Variants in TTN observed in about 807,000 individuals in gnomAD.
TTN encodes titin.
Under a neutral mutation model 3,223.0 loss-of-function variants are expected in TTN, and 1,525 were observed. The ratio of observed to expected loss-of-function variants is 0.47; its 90% confidence interval spans 0.45 to 0.49. The LOEUF is 0.49. TTN is among the 20% of genes least tolerant of loss of function. The probability of loss-of-function intolerance (pLI) is 0.00; values close to 1 mark genes in which losing one functional copy is unlikely to be tolerated. For missense variants in TTN, 40,786 were observed against 43,424.0 expected, an observed-to-expected ratio of 0.94 and a Z score of 5.40; for synonymous variants, 14,094 against 15,161.0, an observed-to-expected ratio of 0.93 and a Z score of 5.17.
chr2:178,683,004 C>G, intron 134 of TTN, 101 bp from the exon 135 acceptor site: 1 of 1,204,118 alleles, frequency 8.3e-7, no homozygotes, highest in Non-Finnish European at 1.2e-6. Flanking sequence ...GCGTTTGTTT[C>G]ATGCACTGAT....
In TTN at chr2:178,589,936, C is replaced by T. The variant is rs767743135; in HGVS notation, c.61789G>A (p.Gly20597Ser). 2 of 1,613,208 alleles carry T rather than the reference C, an allele frequency of 1.2e-6. No homozygotes were observed. The highest frequency in any genetic ancestry group is 1.7e-6 in the Non-Finnish European group (2 of 1,179,528). ...ATGAAGTTTGTTATTTCTGAGCCAC[C>T]ATTATCTAGTGGGTTTTCCCAAGAA... ...TISWENPLDNGGSEITNFIVE... is the reference protein window; with the variant it reads ...TISWENPLDNSGSEITNFIVE... Residue 20597 changes from glycine (G) to serine (S), a missense_variant, in exon 304 of 363, where the codon GGT (glycine) becomes AGT (serine). Transcript: ENST00000589042.
At chr2:178,806,406 A>G (rs2094323099) in intron 1 of TTN, among the ~76,000 whole-genome samples, 1 of 152,250 alleles carries the variant, frequency 6.6e-6, no homozygotes, top group Non-Finnish European at 1.5e-5. Flanking sequence ...GTGTATTTAG[A>G]AGTAAGAAAC....
At chr2:178,679,306 A>T (rs1250218944) in intron 142 of TTN, 33 bp downstream of exon 142, 13 of 1,605,772 alleles carry the variant, frequency 8.1e-6, no homozygotes, top group Non-Finnish European at 1.1e-5. Context: ...GTGAATTATC[A>T]TGCTATTCCA....
At position 178,775,197 on chromosome 2, in the gene TTN, G is replaced by T. The variant is rs77675851; in HGVS notation, c.6514C>A (p.Gln2172Lys). ...SHAFLLVQAK[Q>K]LITFTQELQD... ...AATTCCTGTGTGAAAGTGATCAATT[G>T]CTTGGCTACAAGAAAAAGGTGGGGG... Residue 2172 changes from glutamine (Q) to lysine (K), a missense_variant, in exon 29 of 363, where the codon CAA becomes AAA. By Grantham distance (53) the Gln-to-Lys change is moderately conservative (BLOSUM62 1). Coordinates refer to ENST00000589042, the MANE Select transcript of TTN (RefSeq NM_001267550.2). The T allele has an allele frequency of 1.2e-6, 2 of 1,613,812 alleles. No homozygotes were observed. Among genetic ancestry groups the T allele is most frequent in the African/African-American group, 2.7e-5 (2 of 75,004 alleles).
Position 178,542,489 on chromosome 2 carries a change from G to A in TTN, c.97267C>T (p.Pro32423Ser). ...DATSITISWE[P>S]PELDGGAPLS... ...GGAGCACCACCGTCCAATTCAGGTG[G>A]TTCCCAGGAAATGGTAATTGATGTA... Residue 32423 changes from proline to serine, a missense_variant, in exon 349 of 363, where the codon CCA becomes TCA. Transcript: ENST00000589042. The A allele has an allele frequency of 6.2e-7, 1 of 1,612,968 alleles. No individual in the cohort carries two copies. Among genetic ancestry groups the A allele is most frequent in the East Asian group, 2.2e-5 (1 of 44,810 alleles).
chr2:178,679,300 A>G, intron 142 of TTN, 39 bp downstream of exon 142: 1 of 1,600,234 alleles, frequency 6.2e-7, no homozygotes. Flanking sequence ...GCATGGGTGA[A>G]TTATCATGCT....
chr2:178,748,619 T>A, intron 47 of TTN: 1 of 1,613,128 alleles, frequency 6.2e-7, no homozygotes, highest in East Asian at 2.2e-5. Context: ...TTGACCACTA[T>A]CTAATTCTTG....
intron 294 of TTN, among the ~76,000 whole-genome samples, 156 bp downstream of exon 294, chr2:178,597,382 A>C (rs1308345271): frequency 6.6e-6 from 1 of 152,124 alleles, no homozygotes; most frequent in African/African-American, 2.4e-5. Context: ...AAAAGTAAGG[A>C]GGAAATTTTT....
chr2:178,802,677 T>C (rs1387287258), intron 2 of TTN, among the ~76,000 whole-genome samples: 1 of 152,210 alleles, frequency 6.6e-6, no homozygotes, highest in African/African-American at 2.4e-5. Flanking sequence ...ATTAAAATCA[T>C]GAAAGGGACT....
Position 178,717,919 on chromosome 2 carries a change from C to G in TTN, c.25063+24G>C. ...TTAAGAAAATGAATCTGTTCACACA[C>G]ACTAGGTTAAACAACACCATCACCT... On this transcript the variant is annotated intron_variant, in intron 86 of 362. Coordinates refer to ENST00000589042, the MANE Select transcript of TTN (RefSeq NM_001267550.2). 2.5e-6 allele frequency: 4 copies of G among 1,603,410 alleles called. No individual in the cohort carries two copies. The South Asian group carries it at 4.5e-5, about 18-fold the overall frequency.
At position 178,777,972 on chromosome 2, in the gene TTN, A is replaced by T. The variant is rs879245687; in HGVS notation, c.4212T>A (p.Ser1404=). 4 of 1,613,440 alleles carry T rather than the reference A, an allele frequency of 2.5e-6. No homozygotes were observed. Among genetic ancestry groups the T allele is most frequent in the Non-Finnish European group, 3.4e-6 (4 of 1,179,760 alleles). ...ACCTGCTCACTGAACGTGGAGAGAG[A>T]GATCTGCAAAACAAAGACACACAAT... ...PTLEPVSRIR[S]LSPRSVSRSP... The change falls in exon 25 of 363, where the codon TCT becomes TCA. Residue 1404 remains serine (S), a synonymous_variant. Transcript: ENST00000589042.
At chr2:178,755,284 C>T (rs989216116) in intron 46 of TTN, among the ~76,000 whole-genome samples, 12 of 152,132 alleles carry the variant, frequency 7.9e-5, no homozygotes, top group South Asian at 2.1e-4. Context: ...AGCCCAATAA[C>T]GACAAAAATT....
At chr2:178,797,369 A>AT (rs201930473) in intron 6 of TTN, among the ~76,000 whole-genome samples, 5 of 149,432 alleles carry the variant, frequency 3.3e-5, no homozygotes, top group African/African-American at 9.8e-5. Context: ...AACATCTAGC[A>AT]TTTTTTTTCA....
Position 178,666,820 on chromosome 2 carries a change from G to A in TTN, c.35875+4C>T. On this transcript the variant is annotated splice_donor_region_variant and intron_variant, in intron 163 of 362. Transcript: ENST00000589042. ...TAAAAAGGTGACTTTCTTCCAACTT[G>A]TACCTGTTGGTGATGGTGTTTTTCT... 1.3e-6 allele frequency: 2 copies of A among 1,557,072 alleles called. No individual in the cohort carries two copies. Among genetic ancestry groups the A allele is most frequent in the Non-Finnish European group, 1.7e-6 (2 of 1,151,214 alleles).
Position 178,566,280 on chromosome 2 carries a change from C to A in TTN, c.79852G>T (p.Gly26618Cys), listed in dbSNP as rs778343851. 1.9e-6 allele frequency: 3 copies of A among 1,613,654 alleles called. No homozygotes were observed. In the Admixed American group the frequency reaches 5.0e-5, roughly 27 times the overall value. The change falls in exon 326 of 363, where the codon GGT becomes TGT. Residue 26618 changes from glycine to cysteine, a missense_variant. Coordinates refer to ENST00000589042, the MANE Select transcript of TTN (RefSeq NM_001267550.2). ...GSARIHIPFK[G>C]RPTPEITWSR... ...CAAGTGATCTCAGGCGTTGGACGAC[C>A]TTTGAATGGAATGTGAATTCTGGCA...
chr2:178,749,022 TTC>T (rs2154328621), intron 47 of TTN: 1 of 1,612,650 alleles, frequency 6.2e-7, no homozygotes. Context: ...AATTCGATAA[TTC>T]TATGCTTCAC....
rs1445421739 is a variant in TTN, at chr2:178,756,486, G to A, written c.10990C>T (p.Leu3664=). ...ESTGEAPKIF[L]HLQDVTVKCG... The stretch of plus-strand genomic sequence containing the variant: ...TTTACAGTGACGTCCTGAAGATGCA[G>A]GAAAATCTTGGGCGCCTCACCCGTG... The change falls in exon 46 of 363, where the codon CTG becomes TTG. Residue 3664 remains leucine (L), a synonymous_variant. Transcript: ENST00000589042. 6.2e-7 allele frequency: 1 copy of A among 1,613,830 alleles called. No homozygotes were observed. Among genetic ancestry groups the A allele is most frequent in the Non-Finnish European group, 8.5e-7 (1 of 1,179,818 alleles).
chr2:178,539,705 T>C lies in TTN; in HGVS notation c.98360A>G (p.Tyr32787Cys), dbSNP rs1419941913. The C allele has an allele frequency of 6.2e-7, 1 of 1,613,728 alleles. No homozygotes were observed. Among genetic ancestry groups the C allele is most frequent in the Admixed American group, 1.7e-5 (1 of 59,996 alleles). ...LENKCGKKAV[Y>C]IKVRVIGSPN... ...ACTTCCTATCACCCTGACCTTGATG[T>C]AGACAGCCTTCTTGCCACATTTATT... Residue 32787 changes from tyrosine (Y) to cysteine (C), a missense_variant, in exon 352 of 363, where the codon TAC becomes TGC. Physicochemically the swap from Tyr to Cys is radical, Grantham distance 194. Coordinates refer to ENST00000589042, the MANE Select transcript of TTN (RefSeq NM_001267550.2).
Position 178,733,314 on chromosome 2 carries a change from C to T in TTN, c.15979G>A (p.Asp5327Asn), listed in dbSNP as rs868056944. The change falls in exon 54 of 363, where the codon GAC becomes AAC. Residue 5327 changes from aspartate to asparagine, a missense_variant. Physicochemically the swap from Asp to Asn is conservative, Grantham distance 23. Transcript: ENST00000589042. ...QLKFYSAELH[D>N]SGQYTFEISN... ...ATCTCAAATGTGTATTGGCCACTGT[C>T]GTGCAGCTCAGCTGAATAAAATTTG... 17 of 1,613,642 alleles carry T rather than the reference C, an allele frequency of 1.1e-5. No individual in the cohort carries two copies. Among genetic ancestry groups the T allele is most frequent in the East Asian group, 2.2e-5 (1 of 44,872 alleles).
Sources: allele counts gnomAD v4.1 joint callset (sites outside exome capture counted in the v4.1 genomes callset), GRCh38; gene constraint gnomAD v4.1.1; transcripts MANE v1.5; gene names NCBI Gene and HGNC (gene_info 2026-07-23, HGNC 2026-07-21).